Variants in SBK1 observed in about 807,000 individuals in gnomAD.
SBK1 encodes the protein serine/threonine-protein kinase SBK1.
Under a neutral mutation model 24.4 loss-of-function variants are expected in SBK1, and 11 were observed. The ratio of observed to expected loss-of-function variants is 0.45; its 90% CI spans 0.28 to 0.75. The LOEUF (loss-of-function observed/expected upper bound fraction) is 0.75. Ranked by LOEUF, SBK1 falls within the 30% of genes least tolerant of loss-of-function variation. The pLI, the probability that SBK1 is intolerant of heterozygous loss-of-function variation, is 0.12. For missense variants in SBK1, 467 were observed against 620.5 expected (o/e 0.75, Z 2.63); for synonymous variants, 308 against 284.4 (o/e 1.08, Z -0.83).
intron 1 of SBK1, among the ~76,000 whole-genome samples, chr16:28,274,235 A>G (rs982951979): frequency 1.3e-5 from 2 of 152,244 alleles, no homozygotes; most frequent in African/African-American, 4.8e-5. Flanking sequence ...CTATGTATCA[A>G]TCTTGGTTCA....
chr16:28,262,137 GGAGT>G (rs2044401541), intron 1 of SBK1, among the ~76,000 whole-genome samples: 1 of 152,190 alleles, frequency 6.6e-6, no homozygotes, highest in South Asian at 2.1e-4. Context: ...AGAAGGCTCT[GGAGT>G]GTTTCTTTGC....
Position 28,310,309 on chromosome 16 carries a change from C to T in SBK1, c.-7-7076C>T, listed in dbSNP as rs180788075. Among the ~76,000 whole-genome samples the T allele has an allele frequency of 4.3e-3, 648 of 152,342 alleles. 4 individuals carry two copies. Among genetic ancestry groups the T allele is most frequent in the African/African-American group, 0.014 (566 of 41,566 alleles). ...CCGCTGCCTGGTGCTGGCAAGTTCACAGCCATCACATCCACAGCTGCTCCT... is the reference window on the plus strand; with the variant it reads ...CCGCTGCCTGGTGCTGGCAAGTTCATAGCCATCACATCCACAGCTGCTCCT... On this transcript the variant is annotated intron_variant, in intron 1 of 3. Coordinates refer to ENST00000341901, the MANE Select transcript of SBK1 (RefSeq NM_001024401.3).
At chr16:28,281,494 G>A (rs2044533063) in intron 1 of SBK1, among the ~76,000 whole-genome samples, 1 of 152,202 alleles carries the variant, frequency 6.6e-6, no homozygotes, top group Non-Finnish European at 1.5e-5. Flanking sequence ...GAGGTGGATG[G>A]AGAGAGGGAT....
At chr16:28,315,814 G>A (rs987310959) in intron 1 of SBK1, among the ~76,000 whole-genome samples, 1 of 152,118 alleles carries the variant, frequency 6.6e-6, no homozygotes, top group African/African-American at 2.4e-5. Flanking sequence ...CGCCCAGGCT[G>A]GAATGCAGTG....
At chr16:28,301,727 T>G (rs555853480) in intron 1 of SBK1, among the ~76,000 whole-genome samples, 2 of 151,954 alleles carry the variant, frequency 1.3e-5, no homozygotes, top group African/African-American at 4.8e-5. Flanking sequence ...ACCTGCAGAG[T>G]CAACGACAGA....
rs2044827440 is a variant in SBK1 at position 28,320,062 on chromosome 16, C to T, written c.430-14C>T. 4 of 1,471,258 alleles carry T rather than the reference C, an allele frequency of 2.7e-6. No individual in the cohort carries two copies. In the African/African-American group the frequency reaches 4.3e-5, roughly 16 times the overall value. 91.1% of individuals were successfully genotyped at this position (1,471,258 alleles called of 1,614,324 possible). A position where few individuals can be genotyped will look rare whatever the true frequency, so the allele number is the denominator to read the frequency against. On this transcript the variant is annotated splice_polypyrimidine_tract_variant and intron_variant, in intron 3 of 3. Coordinates refer to ENST00000341901, the MANE Select transcript of SBK1 (RefSeq NM_001024401.3). This position sits in a 1 kb window ranked among gnomAD's most constrained non-coding sequence, Gnocchi z 8.5. ...AGAGCTGGAAACAGCGCGGCTTCCC[C>T]CGGCCGCCCGCAGGTGGGGCTCCCT...
rs147184015 is a variant in SBK1, at chr16:28,278,405, G to T, written c.257+18903G>T. 8.7e-3 allele frequency among the ~76,000 whole-genome samples: 1,303 copies of T among 150,092 alleles called. 18 individuals are homozygous for T. The highest frequency in any genetic ancestry group is 0.031 in the African/African-American group (1,241 of 40,670). On this transcript the variant is annotated intron_variant, in intron 1 of 3. Transcript: ENST00000671413. Reference sequence around the variant, plus strand: ...CACCCAGGCTGGAGTGCAGTGTCCTGATCCTGGCTCACTGCATCCTCAGCC... The same window carrying T: ...CACCCAGGCTGGAGTGCAGTGTCCTTATCCTGGCTCACTGCATCCTCAGCC...
At chr16:28,264,839 G>A (rs868824803) in intron 1 of SBK1, among the ~76,000 whole-genome samples, 3 of 152,116 alleles carry the variant, frequency 2.0e-5, no homozygotes, top group East Asian at 1.9e-4. Context: ...AGAAGCCAGC[G>A]AGGGAGGCAG....
Position 28,320,943 on chromosome 16 carries a change from C to T in SBK1, c.*22C>T. 7.1e-7 allele frequency: 1 copy of T among 1,403,404 alleles called. No individual in the cohort carries two copies. Among genetic ancestry groups the T allele is most frequent in the East Asian group, 3.4e-5 (1 of 29,434 alleles). The allele number at this position is 1,403,404 out of a possible 1,614,324, so 86.9% of individuals were successfully genotyped here. ...CTGAGTCGCCTCCGCCGCCCTCGGA[C>T]CCGGGAGCAGCCCGGGCCCGCCCCG... On this transcript the variant is annotated 3_prime_UTR_variant, in exon 4 of 4. Coordinates refer to ENST00000341901, the MANE Select transcript of SBK1 (RefSeq NM_001024401.3). This position sits in a 1 kb window ranked among gnomAD's most constrained non-coding sequence, Gnocchi z 8.5.
chr16:28,272,773 C>T (rs955776383), intron 1 of SBK1, among the ~76,000 whole-genome samples: 3 of 151,908 alleles, frequency 2.0e-5, no homozygotes, highest in African/African-American at 7.3e-5. Context: ...AGGCATGCCC[C>T]ACCACGCCTG....
intron 1 of SBK1, among the ~76,000 whole-genome samples, chr16:28,307,995 G>A (rs1214014031): frequency 6.6e-6 from 1 of 152,124 alleles, no homozygotes; most frequent in Admixed American, 6.6e-5. Flanking sequence ...CACAGAGCAG[G>A]ATAGGAACAA....
chr16:28,299,630 C>A (rs961756742), intron 1 of SBK1, among the ~76,000 whole-genome samples: 1 of 152,200 alleles, frequency 6.6e-6, no homozygotes, highest in South Asian at 2.1e-4. Context: ...AAGCTTCCCC[C>A]ACCCCCTCCT....
At chr16:28,261,990 C>A (rs532562572) in intron 1 of SBK1, among the ~76,000 whole-genome samples, 2 of 152,282 alleles carry the variant, frequency 1.3e-5, no homozygotes, top group East Asian at 3.9e-4. Flanking sequence ...CAGGTTCTGG[C>A]CCTTTAAGAC....
intron 1 of SBK1, among the ~76,000 whole-genome samples, chr16:28,278,920 G>A (rs1487724842): frequency 6.6e-6 from 1 of 152,220 alleles, no homozygotes; most frequent in Admixed American, 6.5e-5. Flanking sequence ...GCCCAAAGGA[G>A]CATGACATTA....
At position 28,319,988 on chromosome 16, in the gene SBK1, G is replaced by A; in HGVS notation, c.430-88G>A. The A allele has an allele frequency of 1.5e-6, 2 of 1,356,524 alleles. No individual in the cohort carries two copies. The highest frequency in any genetic ancestry group is 1.6e-5 in the South Asian group (1 of 62,746). 84.0% of individuals were successfully genotyped at this position (1,356,524 alleles called of 1,614,324 possible). A position where few individuals can be genotyped will look rare whatever the true frequency, so the allele number is the denominator to read the frequency against. Reference sequence around the variant, plus strand: ...GGGGACAGGGTGGGAGGCGAAAACCGCCTTGCTAGAGAGGGAGCTGGAGGG... The same window carrying A: ...GGGGACAGGGTGGGAGGCGAAAACCACCTTGCTAGAGAGGGAGCTGGAGGG... On this transcript the variant is annotated intron_variant, in intron 3 of 3. Coordinates refer to ENST00000341901, the MANE Select transcript of SBK1 (RefSeq NM_001024401.3). The surrounding 1 kb of genome is among the most constrained non-coding windows in gnomAD (Gnocchi z 4.0).
chr16:28,308,450 CTTTTTTTTTTTTTTTTT>C (rs59880320), intron 1 of SBK1, among the ~76,000 whole-genome samples: 2 of 40,010 alleles, frequency 5.0e-5, no homozygotes, highest in South Asian at 1.4e-3. Context: ...CATGCTTGGG[CTTTTTTTTTTTTTTTTT>C]TTTTTTTTTT....
intron 1 of SBK1, among the ~76,000 whole-genome samples, chr16:28,272,765 G>A (rs1293720067): frequency 6.6e-6 from 1 of 151,744 alleles, no homozygotes; most frequent in Non-Finnish European, 1.5e-5. Flanking sequence ...GGGACTACAG[G>A]CATGCCCCAC....
chr16:28,310,172 C>T (rs2044744575), intron 1 of SBK1, among the ~76,000 whole-genome samples: 1 of 152,182 alleles, frequency 6.6e-6, no homozygotes, highest in Non-Finnish European at 1.5e-5. Context: ...TCCCTCAGGG[C>T]CGGTGAGGAC....
At position 28,321,224 on chromosome 16, in the gene SBK1, C is replaced by T. The variant is rs1423770649; in HGVS notation, c.*303C>T. The T allele has an allele frequency of 7.2e-5, 7 of 97,002 alleles. No individual in the cohort carries two copies. The highest frequency in any genetic ancestry group is 4.3e-4 in the South Asian group (1 of 2,334). 6.0% of individuals were successfully genotyped at this position (97,002 alleles called of 1,614,324 possible). On this transcript the variant is annotated 3_prime_UTR_variant, in exon 4 of 4. Coordinates refer to ENST00000341901, the MANE Select transcript of SBK1 (RefSeq NM_001024401.3). ...ACACACACACACACACACACACACA[C>T]ACACACACACACACGCCAGGAGCAA...
Sources: gnomAD v4.1 joint callset for allele counts (sites outside exome capture counted in the v4.1 genomes callset) on GRCh38, gnomAD v4.1.1 for gene constraint, Gnocchi (gnomAD v3.1) non-coding constraint, MANE v1.5 for transcripts, NCBI Gene and HGNC (gene_info 2026-07-23, HGNC 2026-07-21) for gene names.